Variants in PLEKHA2 observed in about 807,000 individuals in gnomAD.
PLEKHA2 encodes pleckstrin homology domain containing A2.
In PLEKHA2, 28 loss-of-function variants were observed where a neutral mutation model predicts 53.2. The ratio of observed to expected loss-of-function variants is 0.53; its 90% CI spans 0.39 to 0.72. PLEKHA2 has a LOEUF of 0.72. PLEKHA2 is among the 30% of genes least tolerant of loss of function. PLEKHA2 has a pLI of 0.00. For synonymous variants in PLEKHA2, 193 were observed against 196.4 expected (o/e 0.98, Z 0.14); for missense variants, 426 against 537.9 (o/e 0.79, Z 2.06).
At position 38,970,345 on chromosome 8, in the gene PLEKHA2, C is replaced by A; in HGVS notation, c.*562C>A. 4.0e-6 allele frequency: 1 copy of A among 251,560 alleles called. No homozygotes were observed. The highest frequency in any genetic ancestry group is 7.4e-6 in the Non-Finnish European group (1 of 135,044). 15.6% of individuals were successfully genotyped at this position (251,560 alleles called of 1,614,324 possible). On this transcript the variant is annotated 3_prime_UTR_variant, in exon 12 of 12. Transcript: ENST00000617275. ...CCTTGTGTGCTTGCATGATCAGACC[C>A]TGTAATAGGATGAATTTCCATGCAC...
intron 6 of PLEKHA2, among the ~76,000 whole-genome samples, 176 bp from the exon 7 acceptor site, chr8:38,951,990 T>G (rs946381707): frequency 1.3e-5 from 2 of 152,244 alleles, no homozygotes; most frequent in Admixed American, 6.5e-5. Flanking sequence ...GCTCAAGCGA[T>G]CCTCCTGCCT....
At chr8:38,906,229 A>G (rs1341532395) in intron 1 of PLEKHA2, among the ~76,000 whole-genome samples, 3 of 152,202 alleles carry the variant, frequency 2.0e-5, no homozygotes, top group Non-Finnish European at 4.4e-5. Context: ...TCTGGTGGAG[A>G]TGGTCTGATG....
At chr8:38,930,450 T>G (rs985346058) in intron 2 of PLEKHA2, among the ~76,000 whole-genome samples, 81 of 152,306 alleles carry the variant, frequency 5.3e-4, no homozygotes, top group African/African-American at 1.8e-3. Context: ...GTGATCCCCC[T>G]GCCTCAGCCT....
At chr8:38,912,842 T>TC (rs1335357439) in intron 1 of PLEKHA2, among the ~76,000 whole-genome samples, 1 of 151,906 alleles carries the variant, frequency 6.6e-6, no homozygotes, top group Admixed American at 6.6e-5. Flanking sequence ...AGCCAGTCCT[T>TC]CCCCCCACCT....
rs556008884 is a variant in PLEKHA2 at position 38,946,053 on chromosome 8, T to G, written c.248-71T>G. The G allele has an allele frequency of 8.0e-6, 10 of 1,247,874 alleles. No individual in the cohort carries two copies. The African/African-American group carries it at 8.9e-5, about 11-fold the overall frequency. The allele number at this position is 1,247,874 out of a possible 1,614,324, so 77.3% of individuals were successfully genotyped here. A position where few individuals can be genotyped will look rare whatever the true frequency, so the allele number is the denominator to read the frequency against. On this transcript the variant is annotated intron_variant, in intron 4 of 11. Coordinates refer to ENST00000617275, the MANE Select transcript of PLEKHA2 (RefSeq NM_021623.2). ...CTCACTCCCTCAAACACCTTAGCTT[T>G]GTGGAGACTTGTTGTATTGCTTGTA...
In PLEKHA2 at chr8:38,969,799, T is replaced by A. The variant is rs1413704929; in HGVS notation, c.*16T>A. On this transcript the variant is annotated 3_prime_UTR_variant, in exon 12 of 12. Coordinates refer to ENST00000617275, the MANE Select transcript of PLEKHA2 (RefSeq NM_021623.2). The stretch of plus-strand genomic sequence containing the variant: ...TGATGTGTGATGGAGCACAGTGCCA[T>A]GGGAGGGAGGGAGGGAGGGAGGACT... 4.9e-6 allele frequency: 2 copies of A among 406,416 alleles called. No homozygotes were observed. Among genetic ancestry groups the A allele is most frequent in the Admixed American group, 3.3e-5 (1 of 30,082 alleles). 25.2% of individuals were successfully genotyped at this position (406,416 alleles called of 1,614,324 possible).
intron 10 of PLEKHA2, among the ~76,000 whole-genome samples, chr8:38,966,029 A>G (rs546416396): frequency 6.6e-6 from 1 of 152,286 alleles, no homozygotes; most frequent in Admixed American, 6.5e-5. Context: ...GGAAACCACC[A>G]GATTGTCAAA....
At chr8:38,956,445 G>C (rs1353082838) in intron 9 of PLEKHA2, among the ~76,000 whole-genome samples, 3 of 152,316 alleles carry the variant, frequency 2.0e-5, no homozygotes, top group East Asian at 3.9e-4. Context: ...GGGTGGAGGA[G>C]ACGGTTTAGG....
In PLEKHA2 at chr8:38,922,289, G is replaced by A. The variant is rs1834208532; in HGVS notation, c.141+4219G>A. On this transcript the variant is annotated intron_variant, in intron 2 of 11. Transcript: ENST00000617275. The surrounding 1 kb of genome is among the most constrained non-coding windows in gnomAD (Gnocchi z 4.0). ...GTCCTAGAAGGTAGGGCACTCGTGT[G>A]GCTTAGTTTTTTATCATAGTGTTTC... Among the ~76,000 whole-genome samples the A allele has an allele frequency of 6.6e-6, 1 of 152,116 alleles. No homozygotes were observed. Among genetic ancestry groups the A allele is most frequent in the Non-Finnish European group, 1.5e-5 (1 of 68,016 alleles).
At chr8:38,933,790 A>AAAAAAAAAAAAAAAAAAAAGAAAG (rs71216697) in intron 2 of PLEKHA2, among the ~76,000 whole-genome samples, 8 of 90,696 alleles carry the variant, frequency 8.8e-5, no homozygotes, top group African/African-American at 3.1e-4. Flanking sequence ...AAAAAAAAAA[A>AAAAAAAAAAAAAAAAAAAAGAAAG]AAAAGAAAAG....
chr8:38,908,495 T>A (rs956580190), intron 1 of PLEKHA2, among the ~76,000 whole-genome samples: 1 of 152,264 alleles, frequency 6.6e-6, no homozygotes, highest in Admixed American at 6.5e-5. Context: ...TCAAAACTTA[T>A]ACACTTGGGT....
intron 9 of PLEKHA2, 110 bp from the exon 10 acceptor site, chr8:38,957,213 C>A: frequency 1.3e-6 from 1 of 779,014 alleles, no homozygotes; most frequent in Non-Finnish European, 2.1e-6. Context: ...TGGAACCACC[C>A]CCCACCCATC....
intron 10 of PLEKHA2, among the ~76,000 whole-genome samples, chr8:38,963,644 C>T (rs1835080744): frequency 6.6e-6 from 1 of 152,058 alleles, no homozygotes; most frequent in South Asian, 2.1e-4. Context: ...GAGGCTGAGG[C>T]AGGAGGATTG....
chr8:38,929,060 AC>A (rs1191810745), intron 2 of PLEKHA2, among the ~76,000 whole-genome samples: 1 of 151,940 alleles, frequency 6.6e-6, no homozygotes, highest in Admixed American at 6.6e-5. Flanking sequence ...TCTGAGCTAT[AC>A]CCCCTCTGCA....
rs1248087702 is a variant in PLEKHA2 at position 38,971,346 on chromosome 8, C to CCAAA, written c.*1564_*1565insAAAC. On this transcript the variant is annotated 3_prime_UTR_variant, in exon 12 of 12. Coordinates refer to ENST00000617275, the MANE Select transcript of PLEKHA2 (RefSeq NM_021623.2). Reference sequence around the variant, plus strand: ...TCCTATACACGCTGGTGTGCTTTTGCCCTCAGAAATTCTTGGTTTGGGAGT... The same window carrying CCAAA: ...TCCTATACACGCTGGTGTGCTTTTGCCAAACCTCAGAAATTCTTGGTTTGGGAGT... 6.5e-6 allele frequency: 1 copy of CCAAA among 153,858 alleles called. No homozygotes were observed. The highest frequency in any genetic ancestry group is 1.5e-5 in the Non-Finnish European group (1 of 68,344). The allele number at this position is 153,858 out of a possible 1,614,324, so 9.5% of individuals were successfully genotyped here.
At chr8:38,906,548 A>G (rs1833877865) in intron 1 of PLEKHA2, among the ~76,000 whole-genome samples, 1 of 152,054 alleles carries the variant, frequency 6.6e-6, no homozygotes, top group African/African-American at 2.4e-5. Context: ...ATTCCTGTAC[A>G]TGTTTGCATT....
intron 1 of PLEKHA2, among the ~76,000 whole-genome samples, chr8:38,908,483 A>G (rs1833911361): frequency 6.6e-6 from 1 of 152,242 alleles, no homozygotes; most frequent in Non-Finnish European, 1.5e-5. Context: ...TTATTATCAG[A>G]TTCAAAACTT....
chr8:38,952,869 A>G (rs1354828513), intron 8 of PLEKHA2, among the ~76,000 whole-genome samples, 165 bp downstream of exon 8: 1 of 152,256 alleles, frequency 6.6e-6, no homozygotes, highest in Non-Finnish European at 1.5e-5. Flanking sequence ...CAGTGACACT[A>G]AAGTGTCCTC....
At position 38,969,971 on chromosome 8, in the gene PLEKHA2, G is replaced by GTGTA. The variant is rs1835217599; in HGVS notation, c.*191_*192insATGT. 3.9e-6 allele frequency: 3 copies of GTGTA among 761,354 alleles called. No homozygotes were observed. In the African/African-American group the frequency reaches 5.4e-5, roughly 14 times the overall value. 47.2% of individuals were successfully genotyped at this position (761,354 alleles called of 1,614,324 possible). ...TGTGTGTGTGTGTGTGTGTGTGTGT[G>GTGTA]TGTGTGTAATATCAACGCAGTGTAT... On this transcript the variant is annotated 3_prime_UTR_variant, in exon 12 of 12. Transcript: ENST00000617275.
Sources: gnomAD v4.1 joint callset for allele counts (sites outside exome capture counted in the v4.1 genomes callset) on GRCh38, gnomAD v4.1.1 for gene constraint, Gnocchi (gnomAD v3.1) non-coding constraint, MANE v1.5 for transcripts, NCBI Gene and HGNC (gene_info 2026-07-23, HGNC 2026-07-21) for gene names.